EPHA4: variants seen among roughly 807,000 people sequenced by gnomAD.
EPHA4 encodes EPH receptor A4, also known as ephrin type-A receptor 4.
In EPHA4, 19 loss-of-function variants were observed where a neutral mutation model predicts 108.3. That is an observed-to-expected ratio of 0.18 (90% CI 0.12 to 0.26). EPHA4 has a LOEUF of 0.26. Among genes scored for constraint, EPHA4 ranks in the 10% least tolerant of loss-of-function variants. The pLI, the probability that EPHA4 is intolerant of heterozygous loss-of-function variation, is 1.00. For synonymous variants in EPHA4, 449 were observed against 455.5 expected (o/e 0.99, Z 0.18); for missense variants, 917 against 1,254.0 (o/e 0.73, Z 4.06).
At chr2:221,493,249 T>G (rs1693756759) in intron 4 of EPHA4, among the ~76,000 whole-genome samples, 1 of 152,056 alleles carries the variant, frequency 6.6e-6, no homozygotes, top group African/African-American at 2.4e-5. Context: ...AATATATAGT[T>G]TACTTGAAAC....
chr2:221,539,175 G>A (rs1016644073), intron 3 of EPHA4, among the ~76,000 whole-genome samples: 1 of 152,114 alleles, frequency 6.6e-6, no homozygotes, highest in Non-Finnish European at 1.5e-5. Flanking sequence ...ATTGATTGCA[G>A]GATTTCTGCG....
At position 221,436,429 on chromosome 2, in the gene EPHA4, C is replaced by G. The variant is rs1432352843; in HGVS notation, c.2316G>C (p.Glu772Asp). ...VSDFGMSRVL[E>D]DDPEAAYTTR... is the part of the protein sequence containing the mutation. ...TGGTGTAAGCTGCTTCCGGATCATCCTCAAGCACTCGGGACATGCCAAAAT... is the reference window on the plus strand; with the variant it reads ...TGGTGTAAGCTGCTTCCGGATCATCGTCAAGCACTCGGGACATGCCAAAAT... The change falls in exon 13 of 18, where the codon GAG becomes GAC. Residue 772 changes from glutamate to aspartate, a missense_variant. By Grantham distance (45) the Glu-to-Asp change is conservative. Coordinates refer to ENST00000281821, the MANE Select transcript of EPHA4 (RefSeq NM_004438.5). 5.0e-6 allele frequency: 8 copies of G among 1,614,150 alleles called. No homozygotes were observed. The highest frequency in any genetic ancestry group is 6.8e-6 in the Non-Finnish European group (8 of 1,180,024).
At chr2:221,487,437 C>T (rs1381303355) in intron 4 of EPHA4, among the ~76,000 whole-genome samples, 3 of 152,166 alleles carry the variant, frequency 2.0e-5, no homozygotes, top group Non-Finnish European at 4.4e-5. Context: ...GGTTATTACA[C>T]TTTTCTTCCT....
intron 3 of EPHA4, among the ~76,000 whole-genome samples, chr2:221,548,325 C>T (rs1286175724): frequency 1.3e-5 from 2 of 151,898 alleles, no homozygotes; most frequent in African/African-American, 2.4e-5. Context: ...GATCGCACCA[C>T]TGCACTCCAG....
At chr2:221,454,972 CTGAGTG>C (rs1370519100) in intron 8 of EPHA4, among the ~76,000 whole-genome samples, 3 of 152,164 alleles carry the variant, frequency 2.0e-5, no homozygotes, top group South Asian at 4.1e-4. Flanking sequence ...TGGGGGAAGA[CTGAGTG>C]TGAAGTACCC....
At chr2:221,529,328 C>T (rs1052253668) in intron 3 of EPHA4, among the ~76,000 whole-genome samples, 7 of 152,072 alleles carry the variant, frequency 4.6e-5, no homozygotes, top group African/African-American at 9.7e-5. Context: ...GGAGAAGGGG[C>T]GGTCACCATT....
intron 4 of EPHA4, among the ~76,000 whole-genome samples, chr2:221,492,337 G>A (rs1692169999): frequency 6.6e-6 from 1 of 151,802 alleles, no homozygotes; most frequent in Admixed American, 6.6e-5. Context: ...GGAGTATGTG[G>A]GGAAAAAAAA....
rs192761045 is a variant in EPHA4 at position 221,472,772 on chromosome 2, T to C, written c.1318+9580A>G. On this transcript the variant is annotated intron_variant, in intron 5 of 17. Coordinates refer to ENST00000281821, the MANE Select transcript of EPHA4 (RefSeq NM_004438.5). ...TAATAGAAAAAATATTTCGTGTCTC[T>C]ATAATTTTACACATAAAGTATTTTA... Among the ~76,000 whole-genome samples, 17 of 152,348 alleles carry C rather than the reference T, an allele frequency of 1.1e-4. No homozygotes were observed. In the East Asian group the frequency reaches 3.3e-3, roughly 29 times the overall value.
chr2:221,472,079 A>C (rs1329223601), intron 5 of EPHA4, among the ~76,000 whole-genome samples: 1 of 152,102 alleles, frequency 6.6e-6, no homozygotes, highest in African/African-American at 2.4e-5. Context: ...TTTCAGATAA[A>C]ATAAAAGTCT....
At position 221,459,305 on chromosome 2, in the gene EPHA4, C is replaced by T. The variant is rs551628072; in HGVS notation, c.1319-1315G>A. On this transcript the variant is annotated intron_variant, in intron 5 of 17. Transcript: ENST00000281821. ...TAACAGGCGCACACACACACACACACACACCCCTCTATTTTTTTTTCCTCT... is the reference window on the plus strand; with the variant it reads ...TAACAGGCGCACACACACACACACATACACCCCTCTATTTTTTTTTCCTCT... Among the ~76,000 whole-genome samples the T allele has an allele frequency of 5.6e-5, 6 of 106,818 alleles. No homozygotes were observed. In the South Asian group the frequency reaches 1.9e-3, roughly 34 times the overall value. 70.1% of individuals were successfully genotyped at this position (106,818 alleles called of 152,430 possible). A position where few individuals can be genotyped will look rare whatever the true frequency, so the allele number is the denominator to read the frequency against.
At chr2:221,510,302 T>C (rs1021126726) in intron 3 of EPHA4, among the ~76,000 whole-genome samples, 16 of 152,230 alleles carry the variant, frequency 1.1e-4, no homozygotes, top group African/African-American at 3.6e-4. Context: ...ATTGGAAGTA[T>C]GTAAAAATTT....
At chr2:221,434,044 T>C (rs1690158307) in intron 14 of EPHA4, 98 bp downstream of exon 14, 2 of 1,264,258 alleles carry the variant, frequency 1.6e-6, no homozygotes, top group South Asian at 1.5e-5. Context: ...TTGAGTTTAA[T>C]GTATCATTTC....
At chr2:221,548,959 TA>T (rs1463624584) in intron 3 of EPHA4, among the ~76,000 whole-genome samples, 2 of 152,240 alleles carry the variant, frequency 1.3e-5, no homozygotes, top group East Asian at 3.9e-4. Flanking sequence ...CTACTAGGGC[TA>T]CTAAATTCTC....
At chr2:221,561,221 G>A (rs920011639) in intron 3 of EPHA4, among the ~76,000 whole-genome samples, 5 of 151,946 alleles carry the variant, frequency 3.3e-5, no homozygotes, top group African/African-American at 9.7e-5. Flanking sequence ...CAGCCTGGGC[G>A]ATGGAGCTAG....
At chr2:221,545,212 CCGAGG>C (rs1693955096) in intron 3 of EPHA4, among the ~76,000 whole-genome samples, 2 of 151,396 alleles carry the variant, frequency 1.3e-5, no homozygotes, top group South Asian at 2.1e-4. Flanking sequence ...CTTTGGGAGA[CCGAGG>C]TGGGCGGATC....
chr2:221,469,716 T>C (rs749281380), intron 5 of EPHA4, among the ~76,000 whole-genome samples: 1 of 152,142 alleles, frequency 6.6e-6, no homozygotes, highest in African/African-American at 2.4e-5. Flanking sequence ...CTGAGACCAA[T>C]TCCATTAACA....
chr2:221,478,568 C>G (rs1015909740), intron 5 of EPHA4, among the ~76,000 whole-genome samples: 2 of 152,144 alleles, frequency 1.3e-5, no homozygotes, highest in Non-Finnish European at 2.9e-5. Context: ...TTACTGGGTA[C>G]GACTTCAGCT....
In EPHA4 at chr2:221,436,510, A is replaced by T. The variant is rs2106099010; in HGVS notation, c.2235T>A (p.Arg745=). ...KYLSDMSYVH[R]DLAARNILVN... ...CCAGGATGTTCCGTGCGGCCAGATC[A>T]CGATGCACATAGCTCATATCAGATA... is the stretch of plus-strand genomic sequence containing the variant. Residue 745 remains arginine (R), a synonymous_variant, in exon 13 of 18, where the codon CGT becomes CGA. Transcript: ENST00000281821. The T allele has an allele frequency of 6.2e-7, 1 of 1,614,184 alleles. No individual in the cohort carries two copies. The highest frequency in any genetic ancestry group is 1.7e-5 in the Admixed American group (1 of 60,010).
intron 3 of EPHA4, among the ~76,000 whole-genome samples, chr2:221,537,498 G>C (rs1693707413): frequency 6.6e-6 from 1 of 152,282 alleles, no homozygotes; most frequent in African/African-American, 2.4e-5. Flanking sequence ...TTAAAAAGAA[G>C]GCCCCAGGCC....
Sources: allele counts gnomAD v4.1 joint callset (sites outside exome capture counted in the v4.1 genomes callset), GRCh38; gene constraint gnomAD v4.1.1; transcripts MANE v1.5; gene names NCBI Gene and HGNC (gene_info 2026-07-23, HGNC 2026-07-21).